The following ICA1 variants were observed in gnomAD, a reference collection of about 807,000 sequenced individuals.
ICA1 encodes the protein islet cell autoantigen 1.
Under a neutral mutation model 71.0 loss-of-function variants are expected in ICA1, and 40 were observed. The observed-to-expected ratio is 0.56, with a 90% CI of 0.44 to 0.73. The LOEUF is 0.73. Among genes scored for constraint, ICA1 ranks in the 30% least tolerant of loss-of-function variants. The pLI is 0.00. For missense variants in ICA1, 578 were observed against 576.5 expected, an observed-to-expected ratio of 1.00 and a Z score of -0.03; for synonymous variants, 207 against 209.5, an observed-to-expected ratio of 0.99 and a Z score of 0.10.
At chr7:8,249,470 T>C (rs1204031569) in intron 1 of ICA1, among the ~76,000 whole-genome samples, 2 of 152,186 alleles carry the variant, frequency 1.3e-5, no homozygotes. Context: ...CATTTAGATA[T>C]ACTCTAGCCA....
intron 13 of ICA1, among the ~76,000 whole-genome samples, chr7:8,118,041 G>A (rs57884915): frequency 0.01 from 1,578 of 152,254 alleles, 31 homozygotes; most frequent in African/African-American, 0.036. Flanking sequence ...TCAAATATAT[G>A]ACTATTGCAT....
chr7:8,168,004 G>C (rs1306397201), intron 6 of ICA1, among the ~76,000 whole-genome samples: 1 of 143,008 alleles, frequency 7.0e-6, no homozygotes, highest in African/African-American at 2.8e-5. Context: ...GAAAAACAGG[G>C]GGGAGAGAGC....
At chr7:8,186,622 TG>T (rs1449103888) in intron 6 of ICA1, among the ~76,000 whole-genome samples, 1 of 151,888 alleles carries the variant, frequency 6.6e-6, no homozygotes, top group East Asian at 1.9e-4. Context: ...ACCAAATAAA[TG>T]GGTCAGAAAA....
chr7:8,147,434 T>G (rs1188124238), intron 8 of ICA1, among the ~76,000 whole-genome samples: 1 of 152,110 alleles, frequency 6.6e-6, no homozygotes, highest in Non-Finnish European at 1.5e-5. Flanking sequence ...CCTGTAGTAA[T>G]TGCTCCTCTC....
intron 12 of ICA1, among the ~76,000 whole-genome samples, chr7:8,131,601 A>G (rs992762514): frequency 6.6e-6 from 1 of 152,230 alleles, no homozygotes; most frequent in South Asian, 2.1e-4. Flanking sequence ...CTTAGCTAAA[A>G]GCAATGAAAC....
intron 12 of ICA1, among the ~76,000 whole-genome samples, chr7:8,133,334 A>G (rs767804238): frequency 3.9e-5 from 6 of 152,206 alleles, no homozygotes; most frequent in Admixed American, 2.6e-4. Flanking sequence ...TCACTCTGTC[A>G]TCCAGGCTGG....
chr7:8,224,475 T>C (rs1798029187), intron 4 of ICA1, among the ~76,000 whole-genome samples: 1 of 152,172 alleles, frequency 6.6e-6, no homozygotes. Context: ...ACCTTTTAGT[T>C]TGAAATAATG....
rs897893186 is a variant in ICA1, at chr7:8,156,686, A to G, written c.804+430T>C. The G allele has an allele frequency of 7.0e-6, 5 of 718,306 alleles. No individual in the cohort carries two copies. In the African/African-American group the frequency reaches 7.4e-5, roughly 11 times the overall value. The allele number at this position is 718,306 out of a possible 1,614,324, so 44.5% of individuals were successfully genotyped here. ...AAATGATACATTTCAGAAGTAAGAGAGGAAAGGAGGACACCTTCTCAAGTG... is the reference window on the plus strand; with the variant it reads ...AAATGATACATTTCAGAAGTAAGAGGGGAAAGGAGGACACCTTCTCAAGTG... On this transcript the variant is annotated intron_variant, in intron 8 of 13. Transcript: ENST00000402384.
In ICA1 at chr7:8,144,361, G is replaced by A. The variant is rs1385607295; in HGVS notation, c.805-389C>T. Reference sequence around the variant, plus strand: ...TCGCAGCCCACACACTGACAAAGTAGAAGTTCCTCCCACCTCCACCAGAGA... The same window carrying A: ...TCGCAGCCCACACACTGACAAAGTAAAAGTTCCTCCCACCTCCACCAGAGA... On this transcript the variant is annotated intron_variant, in intron 8 of 13. Coordinates refer to ENST00000402384, the MANE Select transcript of ICA1 (RefSeq NM_001136020.3). The surrounding 1 kb of genome is among the most constrained non-coding windows in gnomAD (Gnocchi z 4.5). Among the ~76,000 whole-genome samples, 4 of 152,230 alleles carry A rather than the reference G, an allele frequency of 2.6e-5. No homozygotes were observed. The highest frequency in any genetic ancestry group is 2.1e-4 in the South Asian group (1 of 4,828).
chr7:8,122,218 C>T (rs951005815), intron 13 of ICA1, among the ~76,000 whole-genome samples: 1 of 152,140 alleles, frequency 6.6e-6, no homozygotes, highest in African/African-American at 2.4e-5. Context: ...GTACTGATAG[C>T]ACACGTGGTT....
chr7:8,243,506 C>A (rs1301682437), intron 1 of ICA1, among the ~76,000 whole-genome samples: 3 of 152,196 alleles, frequency 2.0e-5, no homozygotes, highest in Non-Finnish European at 4.4e-5. Flanking sequence ...AAAACTGGCA[C>A]AAGACAGGGA....
chr7:8,204,371 C>G (rs1258495517), intron 6 of ICA1, among the ~76,000 whole-genome samples: 1 of 152,198 alleles, frequency 6.6e-6, no homozygotes, highest in Non-Finnish European at 1.5e-5. Context: ...GTCATGGCTG[C>G]CCTGTGGTCT....
chr7:8,127,861 CACCTTACCT>C lies in ICA1; in HGVS notation c.1330+3_1330+11del. 1 of 1,588,572 alleles carries C rather than the reference CACCTTACCT, an allele frequency of 6.3e-7. No homozygotes were observed. The highest frequency in any genetic ancestry group is 8.6e-7 in the Non-Finnish European group (1 of 1,166,224). ...AAACAAAAAACCCCATTTCAATCCCCACCTTACCTACCTTGTAGCGAGGCCTGTAAGTCT... is the reference window on the plus strand; with the variant it reads ...AAACAAAAAACCCCATTTCAATCCCCACCTTGTAGCGAGGCCTGTAAGTCT... On this transcript the variant is annotated splice_donor_5th_base_variant and intron_variant, in intron 13 of 13. Transcript: ENST00000402384.
chr7:8,228,523 T>C, intron 4 of ICA1, 78 bp downstream of exon 4: 1 of 812,498 alleles, frequency 1.2e-6, no homozygotes, highest in Non-Finnish European at 1.9e-6. Context: ...TTCCTAAGCA[T>C]ATGAAATGAT....
At chr7:8,255,323 T>C (rs1288260226) in intron 1 of ICA1, among the ~76,000 whole-genome samples, 2 of 152,242 alleles carry the variant, frequency 1.3e-5, no homozygotes, top group Non-Finnish European at 2.9e-5. Context: ...CTCATGACTT[T>C]TGACCACGTT....
At chr7:8,153,538 A>T (rs1283979760) in intron 8 of ICA1, among the ~76,000 whole-genome samples, 4 of 152,062 alleles carry the variant, frequency 2.6e-5, no homozygotes. Flanking sequence ...GCATCTGTGG[A>T]GAAATGTGAA....
At chr7:8,202,576 T>C (rs1250563432) in intron 6 of ICA1, among the ~76,000 whole-genome samples, 1 of 152,214 alleles carries the variant, frequency 6.6e-6, no homozygotes, top group East Asian at 1.9e-4. Flanking sequence ...CATTCTTCAT[T>C]TATGATTTCA....
At chr7:8,185,148 T>C (rs896650983) in intron 6 of ICA1, among the ~76,000 whole-genome samples, 1 of 151,344 alleles carries the variant, frequency 6.6e-6, no homozygotes, top group Admixed American at 6.6e-5. Flanking sequence ...TTAAAAAAAC[T>C]GAAAAAGTCA....
chr7:8,169,155 A>C (rs1807311963), intron 6 of ICA1, among the ~76,000 whole-genome samples: 1 of 152,124 alleles, frequency 6.6e-6, no homozygotes, highest in Non-Finnish European at 1.5e-5. Context: ...TTCACTCAGC[A>C]CAATCCTTTC....
Sources: gnomAD v4.1 joint callset for allele counts (sites outside exome capture counted in the v4.1 genomes callset) on GRCh38, gnomAD v4.1.1 for gene constraint, Gnocchi (gnomAD v3.1) non-coding constraint, MANE v1.5 for transcripts, NCBI Gene and HGNC (gene_info 2026-07-23, HGNC 2026-07-21) for gene names.